The following FGF10 variants were observed in gnomAD, a reference collection of about 807,000 sequenced individuals.
The protein encoded by FGF10 is fibroblast growth factor 10.
In FGF10, 2 loss-of-function variants were observed where a neutral mutation model predicts 19.8. The ratio of observed to expected loss-of-function variants is 0.10; its 90% CI spans 0.04 to 0.32. The LOEUF is 0.32. Among genes scored for constraint, FGF10 ranks in the 10% least tolerant of loss-of-function variants. The pLI is 1.00. For missense variants in FGF10, 191 were observed against 246.3 expected, an observed-to-expected ratio of 0.78 and a Z score of 1.50; for synonymous variants, 112 against 94.0, an observed-to-expected ratio of 1.19 and a Z score of -1.10.
chr5:44,322,772 A>T (rs1740527820), intron 1 of FGF10, among the ~76,000 whole-genome samples: 1 of 151,606 alleles, frequency 6.6e-6, no homozygotes, highest in East Asian at 1.9e-4. Flanking sequence ...AGTAGATGGG[A>T]CTATCTAGTT....
In FGF10 at chr5:44,388,937, G is replaced by A. The variant is rs1742176231; in HGVS notation, c.-255C>T. The A allele has an allele frequency of 3.5e-6, 2 of 573,320 alleles. No individual in the cohort carries two copies. The highest frequency in any genetic ancestry group is 2.0e-5 in the South Asian group (1 of 50,546). The allele number at this position is 573,320 out of a possible 1,614,324, so 35.5% of individuals were successfully genotyped here. On this transcript the variant is annotated 5_prime_UTR_variant, in exon 1 of 3. Transcript: ENST00000264664. ...CGGTAAATGGTGGACGTGGGTGGCCGCAGCAGCAGGAGCTGGTGGTGGCGT... is the reference window on the plus strand; with the variant it reads ...CGGTAAATGGTGGACGTGGGTGGCCACAGCAGCAGGAGCTGGTGGTGGCGT...
At chr5:44,334,751 G>T (rs1740808868) in intron 1 of FGF10, among the ~76,000 whole-genome samples, 1 of 152,052 alleles carries the variant, frequency 6.6e-6, no homozygotes, top group Non-Finnish European at 1.5e-5. Context: ...TTGCAGAGTA[G>T]TTACCACCTG....
intron 1 of FGF10, among the ~76,000 whole-genome samples, chr5:44,374,197 TTC>T (rs1331936386): frequency 6.6e-6 from 1 of 152,156 alleles, no homozygotes; most frequent in Admixed American, 6.6e-5. Flanking sequence ...CTTTAAATCT[TTC>T]TGTTTCCATT....
At chr5:44,386,690 G>A (rs955144009) in intron 1 of FGF10, among the ~76,000 whole-genome samples, 6 of 151,978 alleles carry the variant, frequency 3.9e-5, no homozygotes, top group Admixed American at 2.0e-4. Flanking sequence ...AGATAATGTG[G>A]TACTTAATAT....
intron 1 of FGF10, among the ~76,000 whole-genome samples, chr5:44,367,801 TG>T (rs1322021770): frequency 6.6e-6 from 1 of 151,554 alleles, no homozygotes; most frequent in Non-Finnish European, 1.5e-5. Context: ...TCACCCAGTT[TG>T]CATTAATCAT....
intron 1 of FGF10, among the ~76,000 whole-genome samples, chr5:44,376,507 A>AAAAC (rs1307952396): frequency 2.2e-5 from 3 of 137,176 alleles, no homozygotes; most frequent in African/African-American, 5.2e-5. Context: ...AAAAAAAAAA[A>AAAAC]AAAAAAAAAA....
intron 1 of FGF10, among the ~76,000 whole-genome samples, chr5:44,332,768 G>C (rs567733470): frequency 6.6e-6 from 1 of 152,070 alleles, no homozygotes; most frequent in African/African-American, 2.4e-5. Context: ...ATTACTTTAA[G>C]TAAGGAAGGA....
intron 1 of FGF10, among the ~76,000 whole-genome samples, chr5:44,324,503 C>T (rs964046518): frequency 2.0e-5 from 3 of 152,012 alleles, no homozygotes; most frequent in Non-Finnish European, 4.4e-5. Context: ...TACATTTATT[C>T]GTCAAAATCT....
intron 1 of FGF10, among the ~76,000 whole-genome samples, chr5:44,376,490 C>A (rs1300740839): frequency 2.0e-4 from 7 of 34,536 alleles, no homozygotes; most frequent in East Asian, 4.3e-3. Context: ...ATACAAATGC[C>A]AAAAAAAAAA....
chr5:44,312,480 A>G (rs1476878080), intron 1 of FGF10, among the ~76,000 whole-genome samples: 1 of 152,038 alleles, frequency 6.6e-6, no homozygotes, highest in Non-Finnish European at 1.5e-5. Flanking sequence ...CATTCCTACA[A>G]GGGAACCCTG....
intron 1 of FGF10, among the ~76,000 whole-genome samples, chr5:44,320,250 G>A (rs996150412): frequency 5.3e-5 from 8 of 152,136 alleles, no homozygotes; most frequent in African/African-American, 1.9e-4. Flanking sequence ...CCCTATCTGT[G>A]CTGCATCTGG....
At chr5:44,383,535 C>G in intron 1 of FGF10, among the ~76,000 whole-genome samples, 1 of 152,032 alleles carries the variant, frequency 6.6e-6, no homozygotes. Flanking sequence ...TGCTCCAATA[C>G]GGGCATCTGA....
In FGF10 at chr5:44,388,548, C is replaced by A. The variant is rs755884036; in HGVS notation, c.135G>T (p.Val45=). The change falls in exon 1 of 3, where the codon GTG becomes GTT. Residue 45 remains valine, a synonymous_variant. Transcript: ENST00000264664. ...VTCQALGQDM[V]SPEATNSSSS... is the part of the protein sequence containing the mutation. ...AAGAAGAGTTGGTGGCCTCTGGTGACACCATGTCCTGACCAAGGGCTTGGC... is the reference window on the plus strand; with the variant it reads ...AAGAAGAGTTGGTGGCCTCTGGTGAAACCATGTCCTGACCAAGGGCTTGGC... 2 of 1,614,170 alleles carry A rather than the reference C, an allele frequency of 1.2e-6. No individual in the cohort carries two copies. The highest frequency in any genetic ancestry group is 2.2e-5 in the South Asian group (2 of 91,074).
At chr5:44,387,838 G>C (rs1181529572) in intron 1 of FGF10, among the ~76,000 whole-genome samples, 3 of 152,116 alleles carry the variant, frequency 2.0e-5, no homozygotes, top group Admixed American at 6.5e-5. Flanking sequence ...TGGGGAGAGA[G>C]TGGAATTGAC....
In FGF10 at chr5:44,370,328, C is replaced by T. The variant is rs140664301; in HGVS notation, c.325+18030G>A. Reference sequence around the variant, plus strand: ...TCTCTAAGAAAGTTTCAGAAACCTCCTGGGGATTGGAATGAACATATGCAT... The same window carrying T: ...TCTCTAAGAAAGTTTCAGAAACCTCTTGGGGATTGGAATGAACATATGCAT... On this transcript the variant is annotated intron_variant, in intron 1 of 2. Coordinates refer to ENST00000264664, the MANE Select transcript of FGF10 (RefSeq NM_004465.2). 1.1e-4 allele frequency among the ~76,000 whole-genome samples: 16 copies of T among 152,192 alleles called. No individual in the cohort carries two copies. In the East Asian group the frequency reaches 3.1e-3, roughly 29 times the overall value.
At chr5:44,342,036 A>G (rs1740983461) in intron 1 of FGF10, among the ~76,000 whole-genome samples, 1 of 152,010 alleles carries the variant, frequency 6.6e-6, no homozygotes, top group Non-Finnish European at 1.5e-5. Context: ...AAAAGAGTGT[A>G]TGCATATCTT....
chr5:44,355,664 G>C (rs17227718), intron 1 of FGF10, among the ~76,000 whole-genome samples: 1 of 151,080 alleles, frequency 6.6e-6, no homozygotes, highest in African/African-American at 2.4e-5. Context: ...ATATTTTTCC[G>C]CAATACTTAA....
intron 1 of FGF10, among the ~76,000 whole-genome samples, chr5:44,365,123 T>C (rs1741575205): frequency 6.6e-6 from 1 of 151,788 alleles, no homozygotes; most frequent in Admixed American, 6.6e-5. Context: ...GAGTGTGATT[T>C]GTGGAGAGAG....
At chr5:44,369,971 T>G (rs1741707816) in intron 1 of FGF10, among the ~76,000 whole-genome samples, 1 of 152,106 alleles carries the variant, frequency 6.6e-6, no homozygotes. Flanking sequence ...ATTTTATTGT[T>G]TTTTAGAGAT....
Sources: gnomAD v4.1 joint callset for allele counts (sites outside exome capture counted in the v4.1 genomes callset) on GRCh38, gnomAD v4.1.1 for gene constraint, MANE v1.5 for transcripts, NCBI Gene and HGNC (gene_info 2026-07-23, HGNC 2026-07-21) for gene names.